RIMKLB: variants seen among roughly 807,000 people sequenced by gnomAD.
RIMKLB encodes beta-citrylglutamate synthase B.
In RIMKLB, 7 loss-of-function variants were observed where a neutral mutation model predicts 32.0. The ratio of observed to expected loss-of-function variants is 0.22; its 90% CI spans 0.12 to 0.41. The LOEUF (loss-of-function observed/expected upper bound fraction) is 0.41, where lower values mean the gene tolerates loss of function less well. Ranked by LOEUF, RIMKLB falls within the 10% of genes least tolerant of loss-of-function variation. The pLI, the probability that RIMKLB is intolerant of heterozygous loss-of-function variation, is 1.00. For synonymous variants in RIMKLB, 172 were observed against 185.1 expected, an observed-to-expected ratio of 0.93 and a Z score of 0.57; for missense variants, 289 against 498.7, an observed-to-expected ratio of 0.58 and a Z score of 4.00.
chr12:8,677,527 C>T (rs1386720966), upstream of RIMKLB, among the ~76,000 whole-genome samples: 2 of 152,146 alleles, frequency 1.3e-5, no homozygotes, highest in Non-Finnish European at 2.9e-5. Flanking sequence ...AAGTGATCCC[C>T]CAGTTCCCAT....
Position 8,698,184 on chromosome 12 carries a change from C to A in RIMKLB, c.-170C>A. ...AAGGAGGCGGCTCCCGGTATCCCGA[C>A]CCCCTCCCCCTCCTCTCCTTCCCCC... On this transcript the variant is annotated 5_prime_UTR_variant, in exon 1 of 6. Coordinates refer to ENST00000535829, the MANE Select transcript of RIMKLB (RefSeq NM_001297776.2). 3.0e-6 allele frequency: 1 copy of A among 338,868 alleles called. No homozygotes were observed. Among genetic ancestry groups the A allele is most frequent in the Admixed American group, 3.7e-5 (1 of 26,884 alleles). 21.0% of individuals were successfully genotyped at this position (338,868 alleles called of 1,614,324 possible). A position where few individuals can be genotyped will look rare whatever the true frequency, so the allele number is the denominator to read the frequency against.
chr12:8,733,305 CAA>C (rs199919674), intron 2 of RIMKLB, among the ~76,000 whole-genome samples: 86 of 113,004 alleles, frequency 7.6e-4, no homozygotes, highest in Middle Eastern at 4.4e-3. Context: ...CTTGTTAAAG[CAA>C]AAAAAAAAAA....
chr12:8,737,304 A>T (rs1947102395), intron 2 of RIMKLB, among the ~76,000 whole-genome samples: 1 of 147,302 alleles, frequency 6.8e-6, no homozygotes, highest in Non-Finnish European at 1.5e-5. Context: ...AGTACAAGTG[A>T]GCTTTTCTGC....
chr12:8,714,720 A>G (rs1944662480), intron 2 of RIMKLB, among the ~76,000 whole-genome samples: 1 of 152,180 alleles, frequency 6.6e-6, no homozygotes, highest in Non-Finnish European at 1.5e-5. Flanking sequence ...TCAGAAAACT[A>G]AATTTTTGCT....
intron 5 of RIMKLB, 50 bp downstream of exon 5, chr12:8,754,143 T>A (rs780195873): frequency 4.6e-5 from 63 of 1,359,382 alleles, no homozygotes; most frequent in Non-Finnish European, 5.1e-5. Context: ...CATTTATAAT[T>A]GTCCAGTGAG....
intron 5 of RIMKLB, among the ~76,000 whole-genome samples, chr12:8,760,335 G>T (rs919233460): frequency 6.6e-6 from 1 of 152,154 alleles, no homozygotes; most frequent in Non-Finnish European, 1.5e-5. Context: ...TCTTAATCCA[G>T]TCTATCATTG....
intron 5 of RIMKLB, among the ~76,000 whole-genome samples, chr12:8,766,040 G>A (rs1949931055): frequency 6.6e-6 from 1 of 151,938 alleles, no homozygotes; most frequent in Non-Finnish European, 1.5e-5. Flanking sequence ...TAGCGTTTGA[G>A]GGTCAAATTG....
chr12:8,710,126 A>G (rs890146320), intron 1 of RIMKLB, among the ~76,000 whole-genome samples: 2 of 151,510 alleles, frequency 1.3e-5, no homozygotes, highest in African/African-American at 4.8e-5. Context: ...AGCTGGGTTT[A>G]CAAGCATGCA....
chr12:8,737,767 T>C (rs1236837459), intron 2 of RIMKLB, among the ~76,000 whole-genome samples: 4 of 152,220 alleles, frequency 2.6e-5, no homozygotes, highest in Non-Finnish European at 1.5e-5. Flanking sequence ...CAGGCTGCAG[T>C]GCAATGGCGT....
rs778474066 is a variant in RIMKLB at position 8,753,910 on chromosome 12, C to T, written c.514C>T (p.Arg172Ter). Residue 172 changes from arginine to a stop codon, truncating the protein, a stop_gained, in exon 5 of 6, where the codon CGA (arginine) becomes TGA (stop). Transcript: ENST00000535829. LOFTEE classifies it high-confidence loss of function. The stretch of plus-strand genomic sequence containing the variant: ...CATAGGTAAAGCTGTTTTCTTGGCT[C>T]GAGATAAGCACCATTTGGCTGATCT... ...GHRGKAVFLA[R>*]DKHHLADLSH... The T allele has an allele frequency of 1.2e-6, 2 of 1,613,746 alleles. No individual in the cohort carries two copies. The highest frequency in any genetic ancestry group is 8.5e-7 in the Non-Finnish European group (1 of 1,179,716).
At chr12:8,724,747 C>A (rs1434982027) in intron 2 of RIMKLB, among the ~76,000 whole-genome samples, 1 of 152,110 alleles carries the variant, frequency 6.6e-6, no homozygotes, top group Non-Finnish European at 1.5e-5. Context: ...TGGGATAGGG[C>A]TGGAGGCTGG....
At chr12:8,703,490 G>A (rs1943586944) in intron 1 of RIMKLB, among the ~76,000 whole-genome samples, 2 of 151,988 alleles carry the variant, frequency 1.3e-5, no homozygotes, top group African/African-American at 2.4e-5. Flanking sequence ...AACATACCCG[G>A]CTAATTTTTT....
At chr12:8,677,626 TAAAG>T (rs1254566604), upstream of RIMKLB, among the ~76,000 whole-genome samples, 2 of 152,200 alleles carry the variant, frequency 1.3e-5, no homozygotes, top group Non-Finnish European at 2.9e-5. Context: ...TTAAAAACTA[TAAAG>T]ACTCTTCATT....
intron 5 of RIMKLB, among the ~76,000 whole-genome samples, chr12:8,768,110 T>A (rs1195231742): frequency 6.6e-6 from 1 of 152,146 alleles, no homozygotes; most frequent in South Asian, 2.1e-4. Context: ...GTGAGTGTTA[T>A]AGCTCTATTA....
chr12:8,708,443 G>C (rs1944089061), intron 1 of RIMKLB, among the ~76,000 whole-genome samples: 1 of 152,020 alleles, frequency 6.6e-6, no homozygotes, highest in South Asian at 2.1e-4. Flanking sequence ...TTTGTCCTCT[G>C]TACAGAATAG....
chr12:8,689,036 A>C (rs1942660623), intron 1 of RIMKLB, among the ~76,000 whole-genome samples: 1 of 152,164 alleles, frequency 6.6e-6, no homozygotes, highest in Admixed American at 6.6e-5. Context: ...GGGTTTCGCC[A>C]TGTTGGCCAG....
chr12:8,750,400 T>A lies in RIMKLB; in HGVS notation c.406+308T>A, dbSNP rs61919246. Among the ~76,000 whole-genome samples, 319 of 152,312 alleles carry A rather than the reference T, an allele frequency of 2.1e-3. 1 individual carries two copies. The highest frequency in any genetic ancestry group is 3.4e-3 in the Middle Eastern group (1 of 294). On this transcript the variant is annotated intron_variant, in intron 3 of 5. Coordinates refer to ENST00000535829, the MANE Select transcript of RIMKLB (RefSeq NM_001297776.2). ...TATAGACAATGCTTAAACAAATGAG[T>A]AGCTTTGTTCCGATGAAACTTTATT...
intron 2 of RIMKLB, among the ~76,000 whole-genome samples, chr12:8,748,108 T>C (rs947644388): frequency 2.0e-5 from 3 of 152,162 alleles, no homozygotes; most frequent in Non-Finnish European, 4.4e-5. Context: ...TAGATGACAG[T>C]AGGGAAAATA....
At position 8,766,836 on chromosome 12, in the gene RIMKLB, G is replaced by T. The variant is rs191141773; in HGVS notation, c.698-6485G>T. On this transcript the variant is annotated intron_variant, in intron 5 of 5. Transcript: ENST00000535829. ...TAAATCACCTTTTTCTAACAGAATA[G>T]CCCCATACTTTAAGATTTGAGTTAG... is the stretch of plus-strand genomic sequence containing the variant. 1.3e-3 allele frequency among the ~76,000 whole-genome samples: 195 copies of T among 152,346 alleles called. 2 individuals carry two copies. The Middle Eastern group carries it at 0.031, about 24-fold the overall frequency.
Sources: allele counts gnomAD v4.1 joint callset (sites outside exome capture counted in the v4.1 genomes callset), GRCh38; gene constraint gnomAD v4.1.1; transcripts MANE v1.5; gene names NCBI Gene and HGNC (gene_info 2026-07-23, HGNC 2026-07-21).